The following ADAM23 variants were observed in gnomAD, a reference collection of about 807,000 sequenced individuals.
The protein encoded by ADAM23 is disintegrin and metalloproteinase domain-containing protein 23.
ADAM23 carries 33 observed loss-of-function variants against 120.1 expected under a neutral mutation model. That is an observed-to-expected ratio of 0.27 (90% CI 0.21 to 0.37). The LOEUF is 0.37. ADAM23 is among the 10% of genes least tolerant of loss of function. The pLI, the probability that ADAM23 is intolerant of heterozygous loss-of-function variation, is 1.00. For missense variants in ADAM23, 862 were observed against 1,058.2 expected (o/e 0.81, Z 2.57); for synonymous variants, 367 against 375.2 (o/e 0.98, Z 0.25).
At chr2:206,499,824 T>G (rs187737515) in intron 3 of ADAM23, among the ~76,000 whole-genome samples, 7 of 152,204 alleles carry the variant, frequency 4.6e-5, no homozygotes, top group Non-Finnish European at 8.8e-5. Flanking sequence ...ATTCCTGGGT[T>G]CTTTGTATAC....
chr2:206,571,724 T>C lies in ADAM23; in HGVS notation c.1567-3T>C, dbSNP rs1329211136. Reference sequence around the variant, plus strand: ...GCTTACTCACGTGAAGTGTTTTCTCTAGGAATGCTATGGATTATGCTGTAA... The same window carrying C: ...GCTTACTCACGTGAAGTGTTTTCTCCAGGAATGCTATGGATTATGCTGTAA... On this transcript the variant is annotated splice_region_variant and splice_polypyrimidine_tract_variant and intron_variant, in intron 16 of 25. Transcript: ENST00000264377. 1.2e-6 allele frequency: 2 copies of C among 1,613,400 alleles called. No individual in the cohort carries two copies. The highest frequency in any genetic ancestry group is 2.7e-5 in the African/African-American group (2 of 74,928).
chr2:206,495,671 G>T (rs1696229439), intron 3 of ADAM23, among the ~76,000 whole-genome samples: 1 of 152,138 alleles, frequency 6.6e-6, no homozygotes, highest in Admixed American at 6.6e-5. Context: ...AAATATAAAT[G>T]GGCTAAATGC....
rs764667061 is a variant in ADAM23, at chr2:206,565,083, T to C, written c.1394+15T>C. On this transcript the variant is annotated intron_variant, in intron 14 of 25. Transcript: ENST00000264377. The stretch of plus-strand genomic sequence containing the variant: ...GAGGAAACAGGGTAAATTTTCATTA[T>C]GCGTGCATTTGATATATGCCTTTTG... 58 of 1,613,686 alleles carry C rather than the reference T, an allele frequency of 3.6e-5. No homozygotes were observed. Among genetic ancestry groups the C allele is most frequent in the Non-Finnish European group, 4.7e-5 (55 of 1,179,734 alleles).
Position 206,509,372 on chromosome 2 carries a change from A to G in ADAM23, c.510-21513A>G, listed in dbSNP as rs552838496. On this transcript the variant is annotated intron_variant, in intron 3 of 25. Transcript: ENST00000264377. ...ATTATTCTATAATGATATTTTAAAT[A>G]TAAATGATTAAATTTAACAAAATTT... Among the ~76,000 whole-genome samples, 70 of 152,320 alleles carry G rather than the reference A, an allele frequency of 4.6e-4. No individual in the cohort carries two copies. The South Asian group carries it at 0.014, about 31-fold the overall frequency.
rs533237442 is a variant in ADAM23, at chr2:206,566,304, G to A, written c.1395-919G>A. Among the ~76,000 whole-genome samples, 8 of 151,672 alleles carry A rather than the reference G, an allele frequency of 5.3e-5. No homozygotes were observed. The South Asian group carries it at 1.7e-3, about 32-fold the overall frequency. On this transcript the variant is annotated intron_variant, in intron 14 of 25. Coordinates refer to ENST00000264377, the MANE Select transcript of ADAM23 (RefSeq NM_003812.4). ...ACATTTCTATATATTTTTCTAAGAG[G>A]TTCCTATCAACAGTGGCAGGTTTCA...
At chr2:206,542,179 G>T in intron 5 of ADAM23, 45 bp downstream of exon 5, 1 of 1,575,122 alleles carries the variant, frequency 6.3e-7, no homozygotes, top group Non-Finnish European at 8.7e-7. Flanking sequence ...ACCCTTTCCA[G>T]TTTCCCTTTT....
At chr2:206,538,015 G>A (rs1039471710) in intron 4 of ADAM23, among the ~76,000 whole-genome samples, 2 of 152,046 alleles carry the variant, frequency 1.3e-5, no homozygotes, top group Non-Finnish European at 2.9e-5. Flanking sequence ...AAAGGAGCAC[G>A]GGGTTAAAAA....
At chr2:206,540,498 C>T (rs1697268874) in intron 4 of ADAM23, among the ~76,000 whole-genome samples, 1 of 152,030 alleles carries the variant, frequency 6.6e-6, no homozygotes, top group African/African-American at 2.4e-5. Context: ...CTCCCGATAA[C>T]CCACCTAAAT....
Position 206,620,253 on chromosome 2 carries a change from A to G in ADAM23, c.*2626A>G, listed in dbSNP as rs1699029494. ...TAAATCAGACCACAGTGGTCCCCAA[A>G]TATTATGTACATATGGCAAATGTCA... On this transcript the variant is annotated 3_prime_UTR_variant, in exon 26 of 26. Transcript: ENST00000264377. The G allele has an allele frequency of 6.6e-6, 1 of 152,184 alleles. No individual in the cohort carries two copies. 9.4% of individuals were successfully genotyped at this position (152,184 alleles called of 1,614,324 possible).
At chr2:206,580,013 T>C (rs527868792) in intron 18 of ADAM23, among the ~76,000 whole-genome samples, 2 of 152,136 alleles carry the variant, frequency 1.3e-5, no homozygotes, top group Non-Finnish European at 2.9e-5. Context: ...TTTGATTCTC[T>C]GATTGATCGC....
At chr2:206,566,403 G>A (rs1050037938) in intron 14 of ADAM23, among the ~76,000 whole-genome samples, 6 of 152,052 alleles carry the variant, frequency 3.9e-5, no homozygotes, top group Non-Finnish European at 8.8e-5. Flanking sequence ...TAAGTGGCCT[G>A]TCACTCGCAA....
At chr2:206,576,095 T>A (rs567480282) in intron 18 of ADAM23, among the ~76,000 whole-genome samples, 64 of 152,312 alleles carry the variant, frequency 4.2e-4, no homozygotes, top group African/African-American at 1.4e-3. Flanking sequence ...TATCTGTTTC[T>A]TACATTTCAA....
At chr2:206,451,484 C>T (rs1695193342) in intron 2 of ADAM23, among the ~76,000 whole-genome samples, 1 of 152,200 alleles carries the variant, frequency 6.6e-6, no homozygotes, top group Admixed American at 6.5e-5. Flanking sequence ...AGGTGATCCG[C>T]CCACTTTGGC....
intron 3 of ADAM23, among the ~76,000 whole-genome samples, chr2:206,512,877 G>A (rs1054125993): frequency 1.3e-5 from 2 of 152,078 alleles, no homozygotes; most frequent in African/African-American, 2.4e-5. Flanking sequence ...GGTAATTCTC[G>A]CAGTATTTCA....
chr2:206,448,159 G>A (rs1378203671), intron 2 of ADAM23, among the ~76,000 whole-genome samples: 2 of 152,172 alleles, frequency 1.3e-5, no homozygotes, highest in African/African-American at 2.4e-5. Context: ...ATTTTTTAAA[G>A]TAGAAGTGGG....
chr2:206,609,773 GTAAA>G, intron 24 of ADAM23, 133 bp from the exon 25 acceptor site: 1 of 670,966 alleles, frequency 1.5e-6, no homozygotes, highest in South Asian at 2.0e-5. Context: ...ATTAAGCTAA[GTAAA>G]TAAAGGCAAT....
chr2:206,565,523 A>C (rs1574537414), intron 14 of ADAM23, among the ~76,000 whole-genome samples: 1 of 152,342 alleles, frequency 6.6e-6, no homozygotes, highest in East Asian at 1.9e-4. Flanking sequence ...AGACAGACTT[A>C]TTGTATCTAA....
chr2:206,482,447 G>A (rs947231891), intron 3 of ADAM23, among the ~76,000 whole-genome samples: 13 of 152,098 alleles, frequency 8.5e-5, no homozygotes, highest in South Asian at 2.1e-4. Context: ...CTCTTACTGC[G>A]GTGGAGACCA....
At chr2:206,459,520 C>T (rs896107022) in intron 2 of ADAM23, among the ~76,000 whole-genome samples, 6 of 152,062 alleles carry the variant, frequency 3.9e-5, no homozygotes, top group Admixed American at 1.3e-4. Flanking sequence ...ATTTTCACAC[C>T]GTAATGTGTT....
Sources: gnomAD v4.1 joint callset for allele counts (sites outside exome capture counted in the v4.1 genomes callset) on GRCh38, gnomAD v4.1.1 for gene constraint, MANE v1.5 for transcripts, NCBI Gene and HGNC (gene_info 2026-07-23, HGNC 2026-07-21) for gene names.